ACBD6: variants seen among roughly 807,000 people sequenced by gnomAD.
ACBD6 encodes the protein acyl-CoA-binding domain-containing protein 6.
A neutral mutation model predicts 37.2 loss-of-function variants in ACBD6; 28 were observed. That is an observed-to-expected ratio of 0.75 (90% confidence interval 0.56 to 1.03). ACBD6 has a LOEUF of 1.03. Among genes scored for constraint, ACBD6 ranks in the 50% least tolerant of loss-of-function variants. The pLI is 0.00. For missense variants in ACBD6, 340 were observed against 337.4 expected (o/e 1.01, Z -0.06); for synonymous variants, 113 against 126.8 (o/e 0.89, Z 0.73).
At chr1:180,418,530 A>C (rs1648196748) in intron 4 of ACBD6, among the ~76,000 whole-genome samples, 1 of 152,052 alleles carries the variant, frequency 6.6e-6, no homozygotes, top group Non-Finnish European at 1.5e-5. Context: ...AGTGAGCTAT[A>C]ATCACACCAC....
At chr1:180,337,162 C>G (rs971699072) in intron 6 of ACBD6, among the ~76,000 whole-genome samples, 13 of 152,148 alleles carry the variant, frequency 8.5e-5, no homozygotes, top group African/African-American at 2.9e-4. Flanking sequence ...ATGAGGCCAG[C>G]ATCATCCTGA....
At chr1:180,461,640 T>G (rs991009136) in intron 3 of ACBD6, among the ~76,000 whole-genome samples, 1 of 152,190 alleles carries the variant, frequency 6.6e-6, no homozygotes, top group Non-Finnish European at 1.5e-5. Context: ...AATTCCAACC[T>G]AGAATTTCAT....
chr1:180,474,373 C>A (rs938611534), intron 3 of ACBD6, among the ~76,000 whole-genome samples: 6 of 151,898 alleles, frequency 4.0e-5, no homozygotes, highest in Admixed American at 6.6e-5. Context: ...TAGAAAAGAG[C>A]ACCAGCCTCC....
intron 7 of ACBD6, among the ~76,000 whole-genome samples, chr1:180,306,213 C>G (rs1286024599): frequency 1.3e-5 from 2 of 151,398 alleles, no homozygotes; most frequent in Non-Finnish European, 2.9e-5. Flanking sequence ...CTAAACTGCA[C>G]GTTGTGCACA....
chr1:180,460,575 C>A (rs563269875), intron 3 of ACBD6, among the ~76,000 whole-genome samples: 2 of 152,334 alleles, frequency 1.3e-5, no homozygotes, highest in African/African-American at 4.8e-5. Flanking sequence ...GAGGAAGGGG[C>A]AGGCTGCCAT....
At chr1:180,478,892 C>T (rs1650904921) in intron 3 of ACBD6, among the ~76,000 whole-genome samples, 1 of 152,112 alleles carries the variant, frequency 6.6e-6, no homozygotes, top group South Asian at 2.1e-4. Flanking sequence ...CTTTGAGAGG[C>T]CAAGGCAGGA....
chr1:180,477,123 A>G (rs551013612), intron 3 of ACBD6, among the ~76,000 whole-genome samples: 52 of 152,290 alleles, frequency 3.4e-4, no homozygotes, highest in Non-Finnish European at 8.8e-5. Flanking sequence ...TAATGGATAC[A>G]TCTTGACAAA....
intron 3 of ACBD6, among the ~76,000 whole-genome samples, chr1:180,441,826 G>A (rs527443738): frequency 1.3e-4 from 20 of 152,204 alleles, no homozygotes; most frequent in African/African-American, 3.4e-4. Flanking sequence ...TCATGTCACC[G>A]ATTAACATTT....
rs921349968 is a variant in ACBD6, at chr1:180,399,394, T to G, written c.574-1789A>C. ...AGCAGTTCTGCCTCAGCCTCCCAAA[T>G]AGCTGGGATTACAGGGACCCGCCAC... On this transcript the variant is annotated intron_variant, in intron 5 of 7. Coordinates refer to ENST00000367595, the MANE Select transcript of ACBD6 (RefSeq NM_032360.4). 5.3e-5 allele frequency among the ~76,000 whole-genome samples: 8 copies of G among 152,228 alleles called. No individual in the cohort carries two copies. The South Asian group carries it at 1.7e-3, about 32-fold the overall frequency.
intron 2 of ACBD6, among the ~76,000 whole-genome samples, chr1:180,494,529 G>C (rs969513664): frequency 1.3e-5 from 2 of 152,146 alleles, no homozygotes; most frequent in Admixed American, 6.5e-5. Context: ...AGTGACATAC[G>C]TGATTTATAT....
intron 3 of ACBD6, chr1:180,435,131 C>T: frequency 1.4e-6 from 1 of 729,300 alleles, no homozygotes; most frequent in Non-Finnish European, 2.6e-6. Context: ...AAGCTAAAAT[C>T]AAGACAGGGT....
At chr1:180,482,496 AG>A (rs1651092806) in intron 3 of ACBD6, among the ~76,000 whole-genome samples, 1 of 151,130 alleles carries the variant, frequency 6.6e-6, no homozygotes, top group Non-Finnish European at 1.5e-5. Flanking sequence ...AAAGTTTTAA[AG>A]ATCTAAGAAG....
chr1:180,433,718 C>T (rs1035464015), intron 3 of ACBD6, among the ~76,000 whole-genome samples: 4 of 151,942 alleles, frequency 2.6e-5, no homozygotes, highest in Non-Finnish European at 4.4e-5. Context: ...TACAGTCTTT[C>T]GTTACATAAT....
At chr1:180,422,214 T>C (rs1648398497) in intron 4 of ACBD6, among the ~76,000 whole-genome samples, 1 of 151,726 alleles carries the variant, frequency 6.6e-6, no homozygotes, top group Non-Finnish European at 1.5e-5. Context: ...CTTTTTTCTT[T>C]TTTTTTTTTG....
At chr1:180,377,494 A>G (rs1425488777) in intron 6 of ACBD6, among the ~76,000 whole-genome samples, 2 of 152,224 alleles carry the variant, frequency 1.3e-5, no homozygotes, top group Non-Finnish European at 2.9e-5. Flanking sequence ...AGAGTAGGGA[A>G]AATATAAGAT....
At chr1:180,444,302 A>T (rs1424424915) in intron 3 of ACBD6, among the ~76,000 whole-genome samples, 1 of 151,378 alleles carries the variant, frequency 6.6e-6, no homozygotes, top group Non-Finnish European at 1.5e-5. Flanking sequence ...AAAAAAAAAG[A>T]AAGTACTTTT....
chr1:180,338,407 G>A (rs1005576862), intron 6 of ACBD6, among the ~76,000 whole-genome samples: 2 of 152,232 alleles, frequency 1.3e-5, no homozygotes, highest in Middle Eastern at 3.4e-3. Context: ...TGACAAACCT[G>A]ACAAAAACAA....
At chr1:180,396,939 C>G (rs7517775) in intron 6 of ACBD6, among the ~76,000 whole-genome samples, 3 of 152,010 alleles carry the variant, frequency 2.0e-5, no homozygotes, top group Non-Finnish European at 4.4e-5. Context: ...TAACTCCACT[C>G]CTATGTCTAC....
At chr1:180,318,459 T>G (rs1388328110) in intron 6 of ACBD6, among the ~76,000 whole-genome samples, 1 of 152,148 alleles carries the variant, frequency 6.6e-6, no homozygotes, top group African/African-American at 2.4e-5. Flanking sequence ...GATTCTGGAC[T>G]ATAAGTTTAT....
Sources: allele counts gnomAD v4.1 joint callset (sites outside exome capture counted in the v4.1 genomes callset), GRCh38; gene constraint gnomAD v4.1.1; transcripts MANE v1.5; gene names NCBI Gene and HGNC (gene_info 2026-07-23, HGNC 2026-07-21).